The following CNN3 variants were observed in gnomAD, a reference collection of about 807,000 sequenced individuals.
CNN3 encodes the protein calponin-3.
Under a neutral mutation model 39.0 loss-of-function variants are expected in CNN3, and 11 were observed. The observed-to-expected ratio is 0.28, with a 90% CI of 0.18 to 0.47. The LOEUF is 0.47. CNN3 is among the 20% of genes least tolerant of loss of function. The pLI, the probability that CNN3 is intolerant of heterozygous loss-of-function variation, is 0.99. For missense variants in CNN3, 266 were observed against 403.4 expected (o/e 0.66, Z 2.92); for synonymous variants, 101 against 138.3 (o/e 0.73, Z 1.89).
chr1:94,902,093 T>C (rs859058), intron 4 of CNN3, 28 bp downstream of exon 4: 909,085 of 1,585,138 alleles, frequency 0.57, 266,375 homozygotes, highest in Non-Finnish European at 0.6. Context: ...GGGAATCTGT[T>C]AACCAGCCAT....
At chr1:94,913,807 T>C (rs1671221368) in intron 1 of CNN3, among the ~76,000 whole-genome samples, 1 of 152,132 alleles carries the variant, frequency 6.6e-6, no homozygotes. Flanking sequence ...GGGAAATATA[T>C]GGAGAAATTC....
chr1:94,907,080 TG>T (rs540556298), intron 1 of CNN3, among the ~76,000 whole-genome samples: 2 of 152,004 alleles, frequency 1.3e-5, no homozygotes, highest in African/African-American at 4.8e-5. Context: ...TGAGTGGTTG[TG>T]GGGGGGAGCT....
At chr1:94,901,184 T>C (rs1670853648) in intron 5 of CNN3, among the ~76,000 whole-genome samples, 1 of 151,990 alleles carries the variant, frequency 6.6e-6, no homozygotes. Flanking sequence ...TGAAATCCTA[T>C]CTCTACTAAA....
rs111824275 is a variant in CNN3 at position 94,897,326 on chromosome 1, A to T, written c.*416T>A. On this transcript the variant is annotated 3_prime_UTR_variant, in exon 7 of 7. Transcript: ENST00000370206. ...TTGGCAAAGACCACATTTAGCAATA[A>T]GCATGAGTTTAGTCTTCCATGTAGA... The T allele has an allele frequency of 5.6e-3, 893 of 158,186 alleles. 14 individuals carry two copies. Among genetic ancestry groups the T allele is most frequent in the African/African-American group, 0.02 (828 of 41,324 alleles). The allele number at this position is 158,186 out of a possible 1,614,324, so 9.8% of individuals were successfully genotyped here.
intron 1 of CNN3, among the ~76,000 whole-genome samples, chr1:94,905,490 G>A (rs950096628): frequency 1.3e-5 from 2 of 152,146 alleles, no homozygotes; most frequent in Admixed American, 6.5e-5. Flanking sequence ...TGCTTTGACT[G>A]AGAGAGGGCA....
chr1:94,905,686 C>T (rs571725828), intron 1 of CNN3, among the ~76,000 whole-genome samples: 4 of 152,184 alleles, frequency 2.6e-5, no homozygotes, highest in African/African-American at 7.2e-5. Flanking sequence ...CATATTAAGA[C>T]GACTAACTTT....
chr1:94,913,089 G>A (rs1423200427), intron 1 of CNN3, among the ~76,000 whole-genome samples: 1 of 152,094 alleles, frequency 6.6e-6, no homozygotes, highest in Non-Finnish European at 1.5e-5. Flanking sequence ...TCTTTCTTAC[G>A]TTAATACACA....
At chr1:94,915,509 G>A (rs1671258793) in intron 1 of CNN3, among the ~76,000 whole-genome samples, 1 of 152,194 alleles carries the variant, frequency 6.6e-6, no homozygotes, top group South Asian at 2.1e-4. Flanking sequence ...TTACATAATT[G>A]TAATGCAATC....
intron 1 of CNN3, among the ~76,000 whole-genome samples, chr1:94,920,792 T>C (rs1401617647): frequency 2.0e-5 from 3 of 152,086 alleles, no homozygotes; most frequent in Non-Finnish European, 2.9e-5. Flanking sequence ...CACATGGCCA[T>C]AGGTTTTTGT....
rs1405137778 is a variant in CNN3, at chr1:94,897,994, C to T, written c.738G>A (p.Gln246=). The change falls in exon 7 of 7, where the codon CAG becomes CAA. Residue 246 remains glutamine (Q), a synonymous_variant. Transcript: ENST00000370206. Reference sequence around the variant, plus strand: ...GGGAAGCAACTTTGTTGGTACCCATCTGTAGGGAAATTGTCGAGTTGTCCA... The same window carrying T: ...GGGAAGCAACTTTGTTGGTACCCATTTGTAGGGAAATTGTCGAGTTGTCCA... ...QPVDNSTISL[Q]MGTNKVASQK... is the part of the protein sequence containing the mutation. 1 of 1,614,136 alleles carries T rather than the reference C, an allele frequency of 6.2e-7. No individual in the cohort carries two copies. The highest frequency in any genetic ancestry group is 1.7e-5 in the Admixed American group (1 of 60,020).
At chr1:94,922,793 A>ATGAT (rs1457258356) in intron 1 of CNN3, among the ~76,000 whole-genome samples, 1 of 152,236 alleles carries the variant, frequency 6.6e-6, no homozygotes, top group Non-Finnish European at 1.5e-5. Context: ...TTATTACTGT[A>ATGAT]TGATTGTTTA....
chr1:94,923,104 G>C (rs1671489790), intron 1 of CNN3, among the ~76,000 whole-genome samples: 1 of 152,152 alleles, frequency 6.6e-6, no homozygotes, highest in African/African-American at 2.4e-5. Context: ...CTCTAAACCT[G>C]ATGAAGACAT....
At chr1:94,921,306 A>C (rs11165275) in intron 1 of CNN3, among the ~76,000 whole-genome samples, 21,352 of 152,092 alleles carry the variant, frequency 0.14, 1,508 homozygotes, top group Non-Finnish European at 0.15. Flanking sequence ...AAGCCAGGAG[A>C]ATTGCTTGAA....
chr1:94,897,684 G>C lies in CNN3; in HGVS notation c.*58C>G. 6.8e-7 allele frequency: 1 copy of C among 1,467,432 alleles called. No homozygotes were observed. Among genetic ancestry groups the C allele is most frequent in the Non-Finnish European group, 9.4e-7 (1 of 1,064,638 alleles). The allele number at this position is 1,467,432 out of a possible 1,614,324, so 90.9% of individuals were successfully genotyped here. ...ACAAGATAAAAATTACTCAAGGCTA[G>C]CTTGGTTCTCACTGAATAAAAACAA... On this transcript the variant is annotated 3_prime_UTR_variant, in exon 7 of 7. Coordinates refer to ENST00000370206, the MANE Select transcript of CNN3 (RefSeq NM_001839.5).
At chr1:94,920,029 C>T (rs1671399578) in intron 1 of CNN3, among the ~76,000 whole-genome samples, 1 of 152,218 alleles carries the variant, frequency 6.6e-6, no homozygotes, top group Admixed American at 6.5e-5. Flanking sequence ...ATATGTTAAC[C>T]AGCTAGCTGT....
At chr1:94,908,415 C>G (rs1671070490) in intron 1 of CNN3, among the ~76,000 whole-genome samples, 1 of 152,256 alleles carries the variant, frequency 6.6e-6, no homozygotes, top group South Asian at 2.1e-4. Context: ...CTCCTCAGGA[C>G]AGCTAAGAGC....
intron 1 of CNN3, among the ~76,000 whole-genome samples, chr1:94,914,503 C>A (rs575820969): frequency 8.5e-5 from 13 of 152,292 alleles, no homozygotes; most frequent in Admixed American, 2.0e-4. Context: ...CATCTGCCAA[C>A]CCCAAAACTG....
intron 6 of CNN3, 21 bp downstream of exon 6, chr1:94,899,350 G>A (rs760555891): frequency 8.1e-6 from 13 of 1,609,882 alleles, no homozygotes; most frequent in East Asian, 2.2e-5. Context: ...TCTTGTACAC[G>A]TATAAAAAGG....
intron 1 of CNN3, among the ~76,000 whole-genome samples, chr1:94,920,072 A>G (rs1227733348): frequency 6.6e-6 from 1 of 152,244 alleles, no homozygotes; most frequent in Non-Finnish European, 1.5e-5. Context: ...AAACCAAGAA[A>G]GGAAAGATAT....
Sources: gnomAD v4.1 joint callset for allele counts (sites outside exome capture counted in the v4.1 genomes callset) on GRCh38, gnomAD v4.1.1 for gene constraint, MANE v1.5 for transcripts, NCBI Gene and HGNC (gene_info 2026-07-23, HGNC 2026-07-21) for gene names.